Variants in RHBDL2 observed in about 807,000 individuals in gnomAD.
RHBDL2 encodes the protein rhomboid-related protein 2.
Under a neutral mutation model 31.7 loss-of-function variants are expected in RHBDL2, and 26 were observed. That is an observed-to-expected ratio of 0.82 (90% CI 0.60 to 1.14). The LOEUF (loss-of-function observed/expected upper bound fraction) is 1.14, where lower values mean the gene tolerates loss of function less well. Among genes scored for constraint, RHBDL2 ranks in the 50% most tolerant of loss-of-function variants. RHBDL2 has a pLI of 0.00. For synonymous variants in RHBDL2, 123 were observed against 127.2 expected (o/e 0.97, Z 0.22); for missense variants, 336 against 364.4 (o/e 0.92, Z 0.63).
rs4636421 is a variant in RHBDL2 at position 38,912,359 on chromosome 1, C to T, written c.396-925G>A. 1.1e-4 allele frequency among the ~76,000 whole-genome samples: 16 copies of T among 151,682 alleles called. No individual in the cohort carries two copies. The East Asian group carries it at 3.1e-3, about 30-fold the overall frequency. On this transcript the variant is annotated intron_variant, in intron 3 of 7. Transcript: ENST00000372990. ...GACCTCATTGATCCACCCGCCTTGG[C>T]CTCCCAAAGTGCTGGGATTACACGC...
intron 1 of RHBDL2, among the ~76,000 whole-genome samples, chr1:38,922,422 A>C (rs1570936684): frequency 1.5e-5 from 1 of 66,716 alleles, no homozygotes; most frequent in African/African-American, 6.8e-5. Context: ...CACACACACC[A>C]CCATACCCAG....
chr1:38,933,671 C>T (rs567047551), intron 1 of RHBDL2, among the ~76,000 whole-genome samples: 1 of 152,060 alleles, frequency 6.6e-6, no homozygotes, highest in African/African-American at 2.4e-5. Flanking sequence ...TCATCCCCAC[C>T]AGCAAACACA....
At position 38,911,645 on chromosome 1, in the gene RHBDL2, TGC is replaced by T. The variant is rs1195021985; in HGVS notation, c.396-213_396-212del. On this transcript the variant is annotated intron_variant, in intron 3 of 7. Coordinates refer to ENST00000372990, the MANE Select transcript of RHBDL2 (RefSeq NM_017821.5). Reference sequence around the variant, plus strand: ...GTGTGTGTGTGTGTGTGTGTGTGTGTGCGCGCGCGCGCGCGTGTGTGACTTGC... The same window carrying T: ...GTGTGTGTGTGTGTGTGTGTGTGTGTGCGCGCGCGCGCGTGTGTGACTTGC... 1.1e-3 allele frequency among the ~76,000 whole-genome samples: 73 copies of T among 64,036 alleles called. 1 individual carries two copies. The highest frequency in any genetic ancestry group is 5.8e-3 in the East Asian group (11 of 1,898). The allele number at this position is 64,036 out of a possible 152,430, so 42.0% of individuals were successfully genotyped here. A position where few individuals can be genotyped will look rare whatever the true frequency, so the allele number is the denominator to read the frequency against.
intron 3 of RHBDL2, 133 bp from the exon 4 acceptor site, chr1:38,911,567 CTTCG>C: frequency 1.6e-6 from 1 of 640,002 alleles, no homozygotes; most frequent in Non-Finnish European, 2.8e-6. Context: ...TCTAATTTTT[CTTCG>C]CAGACAACTC....
At chr1:38,914,222 A>G (rs2124330477) in intron 3 of RHBDL2, among the ~76,000 whole-genome samples, 1 of 152,004 alleles carries the variant, frequency 6.6e-6, no homozygotes, top group South Asian at 2.1e-4. Context: ...CACACTCATC[A>G]ATATGTTCAT....
In RHBDL2 at chr1:38,919,419, A is replaced by G. The variant is rs926407450; in HGVS notation, c.-125-82T>C. 3 of 1,351,288 alleles carry G rather than the reference A, an allele frequency of 2.2e-6. No individual in the cohort carries two copies. The African/African-American group carries it at 4.4e-5, about 20-fold the overall frequency. 83.7% of individuals were successfully genotyped at this position (1,351,288 alleles called of 1,614,324 possible). A position where few individuals can be genotyped will look rare whatever the true frequency, so the allele number is the denominator to read the frequency against. ...GGCCCAAAATAAAGTTTTCTATGTA[A>G]TTGTTTTAAAAAGAGCCAGATGACT... On this transcript the variant is annotated intron_variant, in intron 1 of 7. Coordinates refer to ENST00000372990, the MANE Select transcript of RHBDL2 (RefSeq NM_017821.5).
At chr1:38,891,279 AAAG>A (rs1490277531) in intron 6 of RHBDL2, among the ~76,000 whole-genome samples, 10 of 151,330 alleles carry the variant, frequency 6.6e-5, no homozygotes, top group African/African-American at 2.2e-4. Context: ...AAAAAAAAAA[AAAG>A]AAGAATATTT....
chr1:38,940,399 G>A (rs567091469), intron 1 of RHBDL2, among the ~76,000 whole-genome samples: 1 of 152,002 alleles, frequency 6.6e-6, no homozygotes, highest in Non-Finnish European at 1.5e-5. Flanking sequence ...TAAAGACAAG[G>A]CCTCACTTTA....
intron 1 of RHBDL2, among the ~76,000 whole-genome samples, chr1:38,931,465 T>A (rs1487063580): frequency 6.6e-6 from 1 of 150,756 alleles, no homozygotes; most frequent in Non-Finnish European, 1.5e-5. Flanking sequence ...GAGCTTGCAG[T>A]AAGCCGAGAT....
chr1:38,897,525 G>T (rs1642934535), intron 4 of RHBDL2, among the ~76,000 whole-genome samples: 1 of 151,924 alleles, frequency 6.6e-6, no homozygotes, highest in African/African-American at 2.4e-5. Flanking sequence ...ACCAACCCGG[G>T]CCACAGAGTG....
At chr1:38,911,115 G>A (rs535792506) in intron 4 of RHBDL2, among the ~76,000 whole-genome samples, 1 of 152,178 alleles carries the variant, frequency 6.6e-6, no homozygotes, top group East Asian at 1.9e-4. Context: ...TTGAGTGTGA[G>A]ATACCTGAGG....
In RHBDL2 at chr1:38,917,078, C is replaced by T. The variant is rs1337310206; in HGVS notation, c.247-1368G>A. 3.0e-5 allele frequency among the ~76,000 whole-genome samples: 4 copies of T among 132,246 alleles called. No individual in the cohort carries two copies. The East Asian group carries it at 7.0e-4, about 23-fold the overall frequency. The allele number at this position is 132,246 out of a possible 152,430, so 86.8% of individuals were successfully genotyped here. A position where few individuals can be genotyped will look rare whatever the true frequency, so the allele number is the denominator to read the frequency against. On this transcript the variant is annotated intron_variant, in intron 2 of 7. Transcript: ENST00000372990. ...TGTAGCCCAGGCTGGAGTGCAGTGG[C>T]GTGATCTCAGCTCACTGCAAGTTCT...
chr1:38,920,607 CT>C (rs547790628), intron 1 of RHBDL2, among the ~76,000 whole-genome samples: 25,495 of 128,620 alleles, frequency 0.2, 1,606 homozygotes, highest in Non-Finnish European at 0.27. Context: ...CAAGTTTTCT[CT>C]TTTTTTTTTT....
At position 38,895,984 on chromosome 1, in the gene RHBDL2, A is replaced by C. The variant is rs764014392; in HGVS notation, c.594T>G (p.Phe198Leu). The C allele has an allele frequency of 1.4e-5, 23 of 1,612,244 alleles. No individual in the cohort carries two copies. The East Asian group carries it at 5.1e-4, about 36-fold the overall frequency. Residue 198 changes from phenylalanine to leucine, a missense_variant, in exon 5 of 8, where the codon TTT becomes TTG. Coordinates refer to ENST00000372990, the MANE Select transcript of RHBDL2 (RefSeq NM_017821.5). ...TGGTTCTTACCACCAGAACATTCAT[A>C]AAATAGCCTCCCATCAGAGCATAGA... is the stretch of plus-strand genomic sequence containing the variant. ...GGVYALMGGY[F>L]MNVLVNFQEM...
At chr1:38,893,438 A>G (rs1037164665) in intron 5 of RHBDL2, among the ~76,000 whole-genome samples, 1 of 152,200 alleles carries the variant, frequency 6.6e-6, no homozygotes, top group Non-Finnish European at 1.5e-5. Context: ...ATTTAATAAT[A>G]TAAATGACAC....
intron 4 of RHBDL2, among the ~76,000 whole-genome samples, chr1:38,899,653 C>A (rs1187710131): frequency 6.6e-6 from 1 of 152,220 alleles, no homozygotes; most frequent in East Asian, 1.9e-4. Flanking sequence ...ATGAACTGAA[C>A]AAATGAACCA....
In RHBDL2 at chr1:38,911,433, C is replaced by T; in HGVS notation, c.397G>A (p.Val133Ile). The T allele has an allele frequency of 1.2e-6, 2 of 1,605,384 alleles. No homozygotes were observed. The highest frequency in any genetic ancestry group is 1.7e-6 in the Non-Finnish European group (2 of 1,172,076). Residue 133 changes from valine to isoleucine, a missense_variant and splice_region_variant, in exon 4 of 8, where the codon GTT (valine) becomes ATT (isoleucine). By Grantham distance (29) the Val-to-Ile change is conservative. Transcript: ENST00000372990. Reference sequence around the variant, plus strand: ...CAAAGATTCCCCAAGATGTGCTGAACTCTGCAAAGACAAACAATAGTTGTC... The same window carrying T: ...CAAAGATTCCCCAAGATGTGCTGAATTCTGCAAAGACAAACAATAGTTGTC... Reference protein sequence around the residue: ...FISYMLVHAGVQHILGNLCMQ... With the variant: ...FISYMLVHAGIQHILGNLCMQ...
intron 3 of RHBDL2, among the ~76,000 whole-genome samples, chr1:38,912,984 A>G (rs372147146): frequency 0.077 from 1,429 of 18,496 alleles, 46 homozygotes; most frequent in Middle Eastern, 0.22. Flanking sequence ...GTGTGTGTGT[A>G]TTTTTTTTTT....
intron 6 of RHBDL2, among the ~76,000 whole-genome samples, chr1:38,891,959 C>T (rs1022038045): frequency 6.6e-6 from 1 of 152,186 alleles, no homozygotes; most frequent in African/African-American, 2.4e-5. Context: ...CTGTCAACAC[C>T]AGTTACCACC....
Sources: gnomAD v4.1 joint callset for allele counts (sites outside exome capture counted in the v4.1 genomes callset) on GRCh38, gnomAD v4.1.1 for gene constraint, MANE v1.5 for transcripts, NCBI Gene and HGNC (gene_info 2026-07-23, HGNC 2026-07-21) for gene names.